DBF4: variants seen among roughly 807,000 people sequenced by gnomAD.
DBF4 encodes the protein DBF4-CDC7 kinase regulatory subunit, also known as protein DBF4 homolog A.
DBF4 carries 25 observed loss-of-function variants against 76.6 expected under a neutral mutation model. The observed-to-expected ratio is 0.33, with a 90% CI of 0.24 to 0.46. DBF4 has a LOEUF of 0.46. DBF4 is among the 20% of genes least tolerant of loss of function. The pLI is 1.00. For missense variants in DBF4, 638 were observed against 760.8 expected (o/e 0.84, Z 1.90); for synonymous variants, 213 against 258.0 (o/e 0.83, Z 1.67).
intron 7 of DBF4, among the ~76,000 whole-genome samples, chr7:87,897,020 A>G (rs1839658462): frequency 6.6e-6 from 1 of 152,212 alleles, no homozygotes; most frequent in Non-Finnish European, 1.5e-5. Flanking sequence ...AGTGAAGACA[A>G]TAGTGTAGTT....
chr7:87,886,662 G>C (rs1284327637), intron 3 of DBF4, among the ~76,000 whole-genome samples, 182 bp from the exon 4 acceptor site: 1 of 151,332 alleles, frequency 6.6e-6, no homozygotes, highest in African/African-American at 2.4e-5. Flanking sequence ...AAGAATTCCA[G>C]TGAAACCTAG....
chr7:87,886,769 T>C (rs886533036), intron 3 of DBF4, 75 bp from the exon 4 acceptor site: 2 of 931,986 alleles, frequency 2.1e-6, no homozygotes, highest in Middle Eastern at 2.1e-4. Context: ...AAGTTCTCTT[T>C]TCTTAGCTGC....
chr7:87,907,911 A>G lies in DBF4; in HGVS notation c.1773A>G (p.Glu591=). 6.2e-7 allele frequency: 1 copy of G among 1,612,758 alleles called. No individual in the cohort carries two copies. Among genetic ancestry groups the G allele is most frequent in the Middle Eastern group, 1.7e-4 (1 of 6,058 alleles). ...ILGRNRKENL[E]PNAEFDKRTE... ...GACGAAATAGAAAAGAAAATCTGGA[A>G]CCAAATGCTGAATTTGATAAAAGAA... The change falls in exon 12 of 12, where the codon GAA becomes GAG. Residue 591 remains glutamate, a synonymous_variant. Transcript: ENST00000265728.
chr7:87,886,107 A>G (rs1405562308), intron 3 of DBF4, among the ~76,000 whole-genome samples: 1 of 152,224 alleles, frequency 6.6e-6, no homozygotes, highest in African/African-American at 2.4e-5. Flanking sequence ...GAAAGAATGG[A>G]AAAGAGATCA....
At chr7:87,892,812 T>C (rs531360708) in intron 6 of DBF4, among the ~76,000 whole-genome samples, 1 of 152,350 alleles carries the variant, frequency 6.6e-6, no homozygotes. Flanking sequence ...GGGTTACTTT[T>C]ATCATTTGTT....
chr7:87,886,832 G>A lies in DBF4; in HGVS notation c.400-12G>A, dbSNP rs1338379228. ...AAGCACTATGTTTTAAATTTTTCTG[G>A]TCTTTTTATAGGTGTGTTTAAGCAG... is the stretch of plus-strand genomic sequence containing the variant. On this transcript the variant is annotated splice_polypyrimidine_tract_variant and intron_variant, in intron 3 of 11. Coordinates refer to ENST00000265728, the MANE Select transcript of DBF4 (RefSeq NM_006716.4). The A allele has an allele frequency of 1.3e-6, 2 of 1,522,852 alleles. No homozygotes were observed. Among genetic ancestry groups the A allele is most frequent in the Non-Finnish European group, 1.8e-6 (2 of 1,107,120 alleles). 94.3% of individuals were successfully genotyped at this position (1,522,852 alleles called of 1,614,324 possible).
At chr7:87,884,675 T>G (rs1404359927) in intron 2 of DBF4, among the ~76,000 whole-genome samples, 2 of 152,246 alleles carry the variant, frequency 1.3e-5, no homozygotes, top group African/African-American at 4.8e-5. Flanking sequence ...CTCAGAGATC[T>G]AGGTTCAGAA....
chr7:87,894,297 A>AAT (rs1554326547), intron 6 of DBF4, among the ~76,000 whole-genome samples: 1 of 152,088 alleles, frequency 6.6e-6, no homozygotes, highest in Non-Finnish European at 1.5e-5. Context: ...CTCTACAAAA[A>AAT]ATATATATAT....
intron 8 of DBF4, among the ~76,000 whole-genome samples, chr7:87,898,977 A>G (rs906348460): frequency 1.3e-5 from 2 of 152,238 alleles, no homozygotes; most frequent in Non-Finnish European, 2.9e-5. Context: ...CAACAAGGGT[A>G]TGAAGATAAT....
intron 7 of DBF4, 51 bp from the exon 8 acceptor site, chr7:87,897,243 A>T: frequency 6.4e-7 from 1 of 1,552,678 alleles, no homozygotes. Context: ...ATTAAAAAAA[A>T]AAAAGAATCC....
At chr7:87,877,076 C>A (rs1033816549) in intron 1 of DBF4, among the ~76,000 whole-genome samples, 2 of 151,512 alleles carry the variant, frequency 1.3e-5, no homozygotes, top group African/African-American at 4.9e-5. Flanking sequence ...GACTGCGGCG[C>A]TGTCTGCTCC....
chr7:87,886,979 T>G, intron 4 of DBF4, 85 bp downstream of exon 4: 1 of 979,830 alleles, frequency 1.0e-6, no homozygotes, highest in Non-Finnish European at 1.5e-6. Flanking sequence ...GAAATTTTCC[T>G]TTCCACATTT....
At chr7:87,889,656 T>G (rs1562760288) in intron 6 of DBF4, among the ~76,000 whole-genome samples, 1 of 152,180 alleles carries the variant, frequency 6.6e-6, no homozygotes, top group Non-Finnish European at 1.5e-5. Context: ...CATAAACTTT[T>G]TATGCATTTC....
intron 8 of DBF4, among the ~76,000 whole-genome samples, chr7:87,897,846 C>G (rs1458369566): frequency 1.3e-5 from 2 of 152,164 alleles, no homozygotes; most frequent in Non-Finnish European, 2.9e-5. Flanking sequence ...ACGATCTCGG[C>G]TCACTGCAAC....
In DBF4 at chr7:87,908,129, C is replaced by T. The variant is rs368286595; in HGVS notation, c.1991C>T (p.Ser664Leu). 44 of 1,601,332 alleles carry T rather than the reference C, an allele frequency of 2.7e-5. No homozygotes were observed. The African/African-American group carries it at 4.0e-4, about 15-fold the overall frequency. Reference sequence around the variant, plus strand: ...GATAATCTGTTAACAGCGTTTTTCTCGTCCCCTTCAACTTCTACATTTACT... The same window carrying T: ...GATAATCTGTTAACAGCGTTTTTCTTGTCCCCTTCAACTTCTACATTTACT... ...NSDNLLTAFFSSPSTSTFTGF is the reference protein window; with the variant it reads ...NSDNLLTAFFLSPSTSTFTGF Residue 664 changes from serine (S) to leucine (L), a missense_variant, in exon 12 of 12, where the codon TCG becomes TTG. Coordinates refer to ENST00000265728, the MANE Select transcript of DBF4 (RefSeq NM_006716.4).
chr7:87,876,979 C>T (rs1383116925), intron 1 of DBF4, among the ~76,000 whole-genome samples: 1 of 152,202 alleles, frequency 6.6e-6, no homozygotes, highest in Non-Finnish European at 1.5e-5. Context: ...AGCGCTCTGC[C>T]GTTTACAGCG....
At chr7:87,878,914 C>G (rs1418246729) in intron 2 of DBF4, among the ~76,000 whole-genome samples, 4 of 152,194 alleles carry the variant, frequency 2.6e-5, no homozygotes, top group Admixed American at 6.5e-5. Flanking sequence ...CTGATCCTTT[C>G]ATTCCCAGAC....
At chr7:87,880,296 C>G (rs762575318) in intron 2 of DBF4, among the ~76,000 whole-genome samples, 21 of 152,042 alleles carry the variant, frequency 1.4e-4, no homozygotes, top group Non-Finnish European at 2.6e-4. Context: ...GTTGAGGGAC[C>G]TTTTGGTTTT....
chr7:87,887,304 A>C (rs776482456), intron 4 of DBF4, 25 bp from the exon 5 acceptor site: 11 of 1,438,382 alleles, frequency 7.6e-6, no homozygotes, highest in African/African-American at 2.9e-5. Context: ...TTCCTAGAAC[A>C]ACCATAAAAC....
Sources: allele counts gnomAD v4.1 joint callset (sites outside exome capture counted in the v4.1 genomes callset), GRCh38; gene constraint gnomAD v4.1.1; transcripts MANE v1.5; gene names NCBI Gene and HGNC (gene_info 2026-07-23, HGNC 2026-07-21).